CATSPER3: variants seen among roughly 807,000 people sequenced by gnomAD.
CATSPER3 encodes the protein cation channel sperm associated 3.
A neutral mutation model predicts 36.6 loss-of-function variants in CATSPER3; 23 were observed. The observed-to-expected ratio is 0.63, with a 90% CI of 0.45 to 0.89. The LOEUF (loss-of-function observed/expected upper bound fraction) is 0.89. Ranked by LOEUF, CATSPER3 falls within the 40% of genes least tolerant of loss-of-function variation. The pLI is 0.00. For missense variants in CATSPER3, 474 were observed against 503.9 expected (o/e 0.94, Z 0.57); for synonymous variants, 172 against 184.1 (o/e 0.93, Z 0.53).
intron 2 of CATSPER3, among the ~76,000 whole-genome samples, chr5:134,975,736 T>C (rs772879029): frequency 3.9e-5 from 6 of 152,200 alleles, no homozygotes; most frequent in Non-Finnish European, 8.8e-5. Flanking sequence ...CTCAGAAAAT[T>C]AGAACTACCA....
rs1321888318 is a variant in CATSPER3, at chr5:134,967,954, A to T, written c.-38A>T. On this transcript the variant is annotated 5_prime_UTR_variant, in exon 1 of 8. The change abolishes an upstream ATG in the 5' untranslated region. Coordinates refer to ENST00000282611, the MANE Select transcript of CATSPER3 (RefSeq NM_178019.3). ...TCCCTAAGCAGAGATTTTCTGTTGG[A>T]TGCTAAAAGCAAGGAATAAAAGTTG... 1.4e-6 allele frequency: 2 copies of T among 1,465,848 alleles called. No homozygotes were observed. The highest frequency in any genetic ancestry group is 9.6e-7 in the Non-Finnish European group (1 of 1,044,974). 90.8% of individuals were successfully genotyped at this position (1,465,848 alleles called of 1,614,324 possible).
intron 2 of CATSPER3, among the ~76,000 whole-genome samples, chr5:134,977,844 G>A (rs1001512969): frequency 1.1e-4 from 17 of 152,148 alleles, no homozygotes; most frequent in African/African-American, 4.1e-4. Flanking sequence ...TTTGGTGAGG[G>A]TCCCAGGAAG....
chr5:134,994,935 C>A (rs1040239078), intron 2 of CATSPER3, among the ~76,000 whole-genome samples: 1 of 151,550 alleles, frequency 6.6e-6, no homozygotes, highest in Admixed American at 6.6e-5. Context: ...CCCTACCTCC[C>A]TCCCTTCCTT....
intron 2 of CATSPER3, among the ~76,000 whole-genome samples, chr5:134,977,261 C>T (rs1751685422): frequency 6.6e-6 from 1 of 152,122 alleles, no homozygotes; most frequent in Non-Finnish European, 1.5e-5. Flanking sequence ...ATATAAGTTC[C>T]AACTTTAACC....
intron 2 of CATSPER3, among the ~76,000 whole-genome samples, chr5:134,985,998 A>G (rs1751803808): frequency 6.6e-6 from 1 of 151,828 alleles, no homozygotes; most frequent in Non-Finnish European, 1.5e-5. Context: ...ACACACAGCC[A>G]TATATATATA....
At chr5:135,007,459 CAAGACAGGGACCTACCTGTG>C (rs1395889036) in intron 3 of CATSPER3, among the ~76,000 whole-genome samples, 1 of 152,176 alleles carries the variant, frequency 6.6e-6, no homozygotes, top group African/African-American at 2.4e-5. Flanking sequence ...ACTGAGGTTA[CAAGACAGGGACCTACCTGTG>C]AAGACGGGGT....
intron 2 of CATSPER3, chr5:134,995,953 C>CCTT: frequency 2.4e-6 from 1 of 423,138 alleles, no homozygotes. Context: ...ACTCTTGGGA[C>CCTT]CTTCCCTTGG....
chr5:134,992,494 G>A (rs1751891261), intron 2 of CATSPER3, among the ~76,000 whole-genome samples: 1 of 152,196 alleles, frequency 6.6e-6, no homozygotes, highest in Non-Finnish European at 1.5e-5. Flanking sequence ...GAAGGCCGAA[G>A]CGGGTGGATC....
At chr5:134,989,068 G>T (rs1242048108) in intron 2 of CATSPER3, among the ~76,000 whole-genome samples, 2 of 152,094 alleles carry the variant, frequency 1.3e-5, no homozygotes, top group Non-Finnish European at 2.9e-5. Context: ...CATTGTCAAT[G>T]GGCAGTAACA....
At position 134,996,271 on chromosome 5, in the gene CATSPER3, A is replaced by G; in HGVS notation, c.253-2A>G. ...CTTCTCCAACCCTTGCTACCCCTGT[A>G]GTTCTCGGAGATCTTCTTTGTGTCC... On this transcript the variant is annotated splice_acceptor_variant, in intron 2 of 7. Transcript: ENST00000282611. LOFTEE classifies it high-confidence loss of function. 2 of 1,614,196 alleles carry G rather than the reference A, an allele frequency of 1.2e-6. No homozygotes were observed. The highest frequency in any genetic ancestry group is 1.3e-5 in the African/African-American group (1 of 75,056).
chr5:134,981,159 C>T (rs1204284915), intron 2 of CATSPER3, among the ~76,000 whole-genome samples: 1 of 151,786 alleles, frequency 6.6e-6, no homozygotes, highest in East Asian at 1.9e-4. Context: ...TCTCTCTCTC[C>T]CTTTTTTCCT....
intron 2 of CATSPER3, among the ~76,000 whole-genome samples, chr5:134,989,636 C>T (rs1295925282): frequency 6.6e-5 from 10 of 152,192 alleles, no homozygotes; most frequent in Non-Finnish European, 2.9e-5. Context: ...AGAATTAGGG[C>T]CTTGCTCTGG....
chr5:134,970,490 A>G lies in CATSPER3; in HGVS notation c.252+398A>G, dbSNP rs531155752. ...AAGATTTTAAGGGTATTTTGCTTCAAGAAATTTTCTGTAGAATTCTAAAAA... is the reference window on the plus strand; with the variant it reads ...AAGATTTTAAGGGTATTTTGCTTCAGGAAATTTTCTGTAGAATTCTAAAAA... On this transcript the variant is annotated intron_variant, in intron 2 of 7. Transcript: ENST00000282611. Among the ~76,000 whole-genome samples the G allele has an allele frequency of 6.6e-5, 10 of 152,208 alleles. No individual in the cohort carries two copies. In the South Asian group the frequency reaches 2.1e-3, roughly 32 times the overall value.
At position 135,008,002 on chromosome 5, in the gene CATSPER3, G is replaced by T; in HGVS notation, c.538G>T (p.Val180Leu). The T allele has an allele frequency of 1.2e-6, 2 of 1,614,188 alleles. No individual in the cohort carries two copies. The highest frequency in any genetic ancestry group is 2.2e-5 in the South Asian group (2 of 91,084). ...VGQTVYTVAS[V>L]LLLLFLLMYI... ...GCAGACAGTCTACACCGTGGCCTCT[G>T]TGCTCCTCCTGCTCTTCCTCCTCAT... Residue 180 changes from valine to leucine, a missense_variant, in exon 4 of 8, where the codon GTG (valine) becomes TTG (leucine). By Grantham distance (32) the Val-to-Leu change is conservative (BLOSUM62 1). Transcript: ENST00000282611.
chr5:134,988,552 C>T (rs190997852), intron 2 of CATSPER3, among the ~76,000 whole-genome samples: 26 of 152,318 alleles, frequency 1.7e-4, no homozygotes, highest in Non-Finnish European at 7.4e-5. Context: ...CTTCGCCAGG[C>T]GTAGATTCCA....
chr5:135,001,505 T>C (rs1439674493), intron 3 of CATSPER3, among the ~76,000 whole-genome samples: 1 of 152,228 alleles, frequency 6.6e-6, no homozygotes, highest in Non-Finnish European at 1.5e-5. Flanking sequence ...TTGTTAACTT[T>C]CTGTCTCATT....
chr5:134,990,168 TTTG>T (rs1561461004), intron 2 of CATSPER3, among the ~76,000 whole-genome samples: 1 of 152,082 alleles, frequency 6.6e-6, no homozygotes, highest in East Asian at 1.9e-4. Context: ...GAAAGTTTAT[TTTG>T]CCAGGGTTGA....
chr5:134,968,644 TTG>T, intron 1 of CATSPER3: 3 of 152,812 alleles, frequency 2.0e-5, no homozygotes, highest in Non-Finnish European at 4.3e-5. Flanking sequence ...TGAGCCAAGA[TTG>T]CACCACTGCA....
At position 134,968,641 on chromosome 5, in the gene CATSPER3, A is replaced by G. The variant is rs147948236; in HGVS notation, c.98+552A>G. The G allele has an allele frequency of 6.6e-3, 1,010 of 153,916 alleles. 9 individuals are homozygous for G. The highest frequency in any genetic ancestry group is 0.023 in the African/African-American group (971 of 41,440). 9.5% of individuals were successfully genotyped at this position (153,916 alleles called of 1,614,324 possible). A position where few individuals can be genotyped will look rare whatever the true frequency, so the allele number is the denominator to read the frequency against. ...GGGGGGCGAAGGTTGCAGTGAGCCA[A>G]GATTGCACCACTGCACTCCAGCCTG... is the stretch of plus-strand genomic sequence containing the variant. On this transcript the variant is annotated intron_variant, in intron 1 of 7. Transcript: ENST00000282611.
Sources: allele counts gnomAD v4.1 joint callset (sites outside exome capture counted in the v4.1 genomes callset), GRCh38; gene constraint gnomAD v4.1.1; transcripts MANE v1.5; gene names NCBI Gene and HGNC (gene_info 2026-07-23, HGNC 2026-07-21).